The following CACNA1A variants were observed in gnomAD, a reference collection of about 807,000 sequenced individuals.
CACNA1A encodes calcium voltage-gated channel subunit alpha1 A, also known as voltage-dependent P/Q-type calcium channel subunit alpha-1A.
A neutral mutation model predicts 262.4 loss-of-function variants in CACNA1A; 57 were observed. The observed-to-expected ratio is 0.22, with a 90% CI of 0.18 to 0.27. The LOEUF is 0.27. Among genes scored for constraint, CACNA1A ranks in the 10% least tolerant of loss-of-function variants. CACNA1A has a pLI of 1.00. For synonymous variants in CACNA1A, 1,431 were observed against 1,419.3 expected (o/e 1.01, Z -0.18); for missense variants, 2,526 against 3,562.8 (o/e 0.71, Z 7.41).
intron 19 of CACNA1A, among the ~76,000 whole-genome samples, chr19:13,291,440 G>A (rs534806710): frequency 6.6e-6 from 1 of 151,816 alleles, no homozygotes; most frequent in Non-Finnish European, 1.5e-5. Flanking sequence ...GAGGTTCAGA[G>A]AGGCAAAGTT....
intron 38 of CACNA1A, among the ~76,000 whole-genome samples, chr19:13,217,927 CTTTTTTTTT>C (rs33920209): frequency 5.5e-5 from 5 of 91,528 alleles, no homozygotes; most frequent in Admixed American, 2.7e-4. Flanking sequence ...ATAGTTCATT[CTTTTTTTTT>C]TTTTTTTTTT....
chr19:13,412,689 C>T (rs1251739469), intron 3 of CACNA1A, among the ~76,000 whole-genome samples: 1 of 152,090 alleles, frequency 6.6e-6, no homozygotes, highest in Non-Finnish European at 1.5e-5. Context: ...GTTGCCCAGG[C>T]TGGTCTCAAA....
In CACNA1A at chr19:13,303,786, T is replaced by C. The variant is rs1409227933; in HGVS notation, c.2085A>G (p.Val695=). The change falls in exon 16 of 47, where the codon GTA becomes GTG. Residue 695 remains valine, a synonymous_variant. Transcript: ENST00000360228. The part of the protein sequence containing the change: ...GGMVFSIYFI[V]LTLFGNYTLL... ...GGATACAGTTCCCAAAGAGCGTCAGTACAATGAAATAGATGGAGAACACCA... is the reference window on the plus strand; with the variant it reads ...GGATACAGTTCCCAAAGAGCGTCAGCACAATGAAATAGATGGAGAACACCA... 4 of 1,611,768 alleles carry C rather than the reference T, an allele frequency of 2.5e-6. No individual in the cohort carries two copies. Among genetic ancestry groups the C allele is most frequent in the Non-Finnish European group, 3.4e-6 (4 of 1,178,162 alleles).
At chr19:13,329,716 G>C (rs1037494952) in intron 10 of CACNA1A, among the ~76,000 whole-genome samples, 1 of 150,562 alleles carries the variant, frequency 6.6e-6, no homozygotes, top group Non-Finnish European at 1.5e-5. Flanking sequence ...CAGGTGATCC[G>C]CTCATCTCAG....
At position 13,261,505 on chromosome 19, in the gene CACNA1A, T is replaced by C. The variant is rs1189596151; in HGVS notation, c.4195A>G (p.Lys1399Glu). 3 of 1,592,980 alleles carry C rather than the reference T, an allele frequency of 1.9e-6. No individual in the cohort carries two copies. Among genetic ancestry groups the C allele is most frequent in the East Asian group, 4.5e-5 (2 of 44,216 alleles). Residue 1399 changes from lysine to glutamate, a missense_variant, in exon 26 of 47, where the codon AAG (lysine) becomes GAG (glutamate). This residue lies in a region of CACNA1A where 137 missense variants were observed against 377.7 expected (regional missense o/e 0.36). Transcript: ENST00000360228. ...IFAVVAVQLF[K>E]GKFFHCTDES... is the part of the protein sequence containing the mutation. ...TCAGTGCAGTGGAAGAATTTCCCCT[T>C]GAAGAGCTGCACAGCCACCACGGCG...
intron 4 of CACNA1A, among the ~76,000 whole-genome samples, chr19:13,369,291 T>C (rs2059276467): frequency 6.6e-6 from 1 of 152,172 alleles, no homozygotes; most frequent in Non-Finnish European, 1.5e-5. Flanking sequence ...CCACAGTGAC[T>C]GACTATAGAA....
At chr19:13,250,719 A>G (rs890518847) in intron 30 of CACNA1A, among the ~76,000 whole-genome samples, 2 of 152,208 alleles carry the variant, frequency 1.3e-5, no homozygotes, top group East Asian at 1.9e-4. Flanking sequence ...TGTGTGTGCT[A>G]TGAACCTTGG....
At chr19:13,270,010 C>G (rs2056976352) in intron 24 of CACNA1A, among the ~76,000 whole-genome samples, 1 of 152,184 alleles carries the variant, frequency 6.6e-6, no homozygotes, top group South Asian at 2.1e-4. Context: ...CTATTCCCTT[C>G]CCCTGGATCT....
chr19:13,317,236 G>A lies in CACNA1A; in HGVS notation c.1431C>T (p.Phe477=). The A allele has an allele frequency of 6.2e-7, 1 of 1,613,706 alleles. No individual in the cohort carries two copies. The highest frequency in any genetic ancestry group is 8.5e-7 in the Non-Finnish European group (1 of 1,179,698). ...GAGTTTTGACCATGCGGCGGATGTA[G>A]AAACGCATCCTCCTCTCCTTTTTGT... is the stretch of plus-strand genomic sequence containing the variant. ...FFHKKERRMR[F]YIRRMVKTQA... The change falls in exon 11 of 47, where the codon TTC becomes TTT. Residue 477 remains phenylalanine (F), a synonymous_variant. Coordinates refer to ENST00000360228, the MANE Select transcript of CACNA1A (RefSeq NM_001127222.2).
intron 26 of CACNA1A, chr19:13,261,218 G>A (rs754460758): frequency 1.7e-5 from 8 of 472,052 alleles, no homozygotes; most frequent in South Asian, 3.9e-5. Flanking sequence ...GACAAAGGCG[G>A]TGGCTGAAAG....
chr19:13,470,748 G>A (rs895915852), intron 1 of CACNA1A, among the ~76,000 whole-genome samples: 2 of 152,160 alleles, frequency 1.3e-5, no homozygotes, highest in East Asian at 3.9e-4. Flanking sequence ...CTTGGCCAAC[G>A]GGAGGCACCA....
chr19:13,387,248 G>A (rs192499811), intron 3 of CACNA1A, among the ~76,000 whole-genome samples: 24 of 152,094 alleles, frequency 1.6e-4, no homozygotes, highest in Middle Eastern at 3.2e-3. Flanking sequence ...GAGCCACTGC[G>A]CCCGGCCTCC....
At position 13,492,916 on chromosome 19, in the gene CACNA1A, C is replaced by T. The variant is rs193113477; in HGVS notation, c.293+13016G>A. Among the ~76,000 whole-genome samples the T allele has an allele frequency of 3.8e-4, 58 of 152,278 alleles. 1 individual carries two copies. The South Asian group carries it at 4.4e-3, about 11-fold the overall frequency. On this transcript the variant is annotated intron_variant, in intron 1 of 46. Transcript: ENST00000360228. ...TATGCTCCAGGGTCTCTCTCCTGTA[C>T]GTTCCTAAGGGTGTGGGGATCAAGG... is the stretch of plus-strand genomic sequence containing the variant.
intron 38 of CACNA1A, chr19:13,215,341 T>TTAC (rs2054969366): frequency 8.8e-6 from 1 of 113,098 alleles, no homozygotes; most frequent in Admixed American, 1.0e-4. Flanking sequence ...TTTTTTGAGA[T>TTAC]GGAGTTTCAC....
intron 38 of CACNA1A, among the ~76,000 whole-genome samples, 167 bp downstream of exon 38, chr19:13,224,500 A>C (rs570468476): frequency 2.6e-4 from 39 of 151,780 alleles, no homozygotes; most frequent in African/African-American, 8.7e-4. Flanking sequence ...AAAAAAAAAA[A>C]AAAAACACCA....
intron 35 of CACNA1A, among the ~76,000 whole-genome samples, chr19:13,230,999 T>G (rs79244387): frequency 2.4e-3 from 303 of 127,544 alleles, no homozygotes; most frequent in African/African-American, 7.2e-3. Context: ...TTTTTTTTTT[T>G]TTGTTTGTTT....
intron 35 of CACNA1A, among the ~76,000 whole-genome samples, 199 bp downstream of exon 35, chr19:13,231,511 C>T (rs2055666269): frequency 6.6e-6 from 1 of 152,068 alleles, no homozygotes; most frequent in African/African-American, 2.4e-5. Flanking sequence ...ATGATGGCCC[C>T]ACCCCAAAGA....
Position 13,303,536 on chromosome 19 carries a change from C to T in CACNA1A, c.2172+10G>A. Reference sequence around the variant, plus strand: ...ACTTTGCCAGAGAAACATTCTCCCACCGCCTCCACCTTGGTGAGCTCCTGG... The same window carrying T: ...ACTTTGCCAGAGAAACATTCTCCCATCGCCTCCACCTTGGTGAGCTCCTGG... On this transcript the variant is annotated intron_variant, in intron 17 of 46. Coordinates refer to ENST00000360228, the MANE Select transcript of CACNA1A (RefSeq NM_001127222.2). 1.9e-6 allele frequency: 3 copies of T among 1,558,964 alleles called. No individual in the cohort carries two copies. The South Asian group carries it at 3.4e-5, about 18-fold the overall frequency.
intron 3 of CACNA1A, among the ~76,000 whole-genome samples, chr19:13,412,335 T>C (rs1377211508): frequency 2.6e-5 from 4 of 152,072 alleles, no homozygotes; most frequent in Non-Finnish European, 5.9e-5. Flanking sequence ...TATCTGGGAC[T>C]GCAGCCATGT....
Sources: gnomAD v4.1 joint callset for allele counts (sites outside exome capture counted in the v4.1 genomes callset) on GRCh38, gnomAD v4.1.1 for gene constraint, gnomAD v4.1.1 regional missense constraint, MANE v1.5 for transcripts, NCBI Gene and HGNC (gene_info 2026-07-23, HGNC 2026-07-21) for gene names.